PID1: variants seen among roughly 807,000 people sequenced by gnomAD.
The protein encoded by PID1 is PTB-containing, cubilin and LRP1-interacting protein.
Under a neutral mutation model 19.1 loss-of-function variants are expected in PID1, and 10 were observed. That is an observed-to-expected ratio of 0.52 (90% CI 0.32 to 0.89). The LOEUF is 0.89. PID1 is among the 40% of genes least tolerant of loss of function. The pLI is 0.03. For synonymous variants in PID1, 130 were observed against 116.0 expected (o/e 1.12, Z -0.78); for missense variants, 248 against 285.3 (o/e 0.87, Z 0.94).
intron 1 of PID1, among the ~76,000 whole-genome samples, chr2:229,175,866 C>A (rs1028735730): frequency 2.0e-5 from 3 of 152,170 alleles, no homozygotes; most frequent in Admixed American, 1.3e-4. Flanking sequence ...TAAACATAGA[C>A]TACGCAACAC....
At chr2:229,035,227 T>C (rs570659914) in intron 2 of PID1, among the ~76,000 whole-genome samples, 56 of 152,258 alleles carry the variant, frequency 3.7e-4, no homozygotes, top group Middle Eastern at 6.8e-3. Context: ...ATAATGTAGG[T>C]AGGTCTCATC....
chr2:229,024,240 C>G lies in PID1; in HGVS notation c.*1392G>C, dbSNP rs897901888. On this transcript the variant is annotated 3_prime_UTR_variant, in exon 3 of 3. Coordinates refer to ENST00000392055, the MANE Select transcript of PID1 (RefSeq NM_001100818.2). ...CATCGCTCTCTAGATTGGATTAGCT[C>G]TCATTTAAGGCTTCTTAGGTGCCGC... 6.6e-6 allele frequency: 1 copy of G among 152,580 alleles called. No homozygotes were observed. Among genetic ancestry groups the G allele is most frequent in the African/African-American group, 2.4e-5 (1 of 41,426 alleles). 9.5% of individuals were successfully genotyped at this position (152,580 alleles called of 1,614,324 possible). A position where few individuals can be genotyped will look rare whatever the true frequency, so the allele number is the denominator to read the frequency against.
At chr2:229,208,987 G>A (rs1691667076) in intron 1 of PID1, among the ~76,000 whole-genome samples, 2 of 152,172 alleles carry the variant, frequency 1.3e-5, no homozygotes, top group South Asian at 4.1e-4. Context: ...CAGAACTGTG[G>A]CAAACAAAAG....
intron 1 of PID1, among the ~76,000 whole-genome samples, chr2:229,211,636 G>A (rs1160190081): frequency 6.6e-6 from 1 of 152,188 alleles, no homozygotes; most frequent in Non-Finnish European, 1.5e-5. Flanking sequence ...ATGTACATGT[G>A]TGAGCTCTCT....
At chr2:229,194,520 T>C (rs1691330008) in intron 1 of PID1, among the ~76,000 whole-genome samples, 1 of 151,972 alleles carries the variant, frequency 6.6e-6, no homozygotes, top group South Asian at 2.1e-4. Context: ...TTAAGGAGAA[T>C]GTAAATTGAA....
intron 1 of PID1, among the ~76,000 whole-genome samples, chr2:229,216,012 G>C (rs1468585657): frequency 6.6e-6 from 1 of 152,182 alleles, no homozygotes; most frequent in Non-Finnish European, 1.5e-5. Context: ...ACCAGGAGGA[G>C]TTCAGCAAAA....
chr2:229,072,833 G>A (rs1163361167), intron 2 of PID1, among the ~76,000 whole-genome samples: 1 of 152,172 alleles, frequency 6.6e-6, no homozygotes, highest in Admixed American at 6.5e-5. Context: ...TCATAACAGG[G>A]TGCAAAAAGA....
intron 1 of PID1, among the ~76,000 whole-genome samples, chr2:229,226,692 A>T (rs911441193): frequency 6.6e-6 from 1 of 152,230 alleles, no homozygotes; most frequent in Non-Finnish European, 1.5e-5. Flanking sequence ...CGTGATACTG[A>T]AAGTTCCCTG....
chr2:229,233,770 G>C (rs1438972671), intron 1 of PID1, among the ~76,000 whole-genome samples: 1 of 152,320 alleles, frequency 6.6e-6, no homozygotes, highest in Middle Eastern at 3.4e-3. Flanking sequence ...GGGATTACAG[G>C]TGTGAGCCAC....
rs143722261 is a variant in PID1 at position 229,176,690 on chromosome 2, T to A, written c.31-20726A>T. 2.0e-3 allele frequency among the ~76,000 whole-genome samples: 310 copies of A among 152,278 alleles called. 2 individuals carry two copies. Among genetic ancestry groups the A allele is most frequent in the African/African-American group, 7.2e-3 (301 of 41,558 alleles). On this transcript the variant is annotated intron_variant, in intron 1 of 2. Transcript: ENST00000392055. The stretch of plus-strand genomic sequence containing the variant: ...GTATAAGCCCTATGCTCCCAAATAT[T>A]TCATTTGTACGACAGACATCATCAT...
chr2:229,239,950 T>C (rs911140118), intron 1 of PID1, among the ~76,000 whole-genome samples: 5 of 152,130 alleles, frequency 3.3e-5, no homozygotes, highest in African/African-American at 4.8e-5. Flanking sequence ...AAAATATGCA[T>C]TGAAAACTCT....
At chr2:229,159,770 T>G (rs1252624032) in intron 1 of PID1, among the ~76,000 whole-genome samples, 2 of 152,178 alleles carry the variant, frequency 1.3e-5, no homozygotes, top group African/African-American at 4.8e-5. Context: ...AGTGTTTGAC[T>G]TGAATTTAAA....
chr2:229,053,688 C>T (rs1045054932), intron 2 of PID1, among the ~76,000 whole-genome samples: 1 of 152,168 alleles, frequency 6.6e-6, no homozygotes, highest in African/African-American at 2.4e-5. Context: ...ACTGGTCTAT[C>T]GTTTTTGGAC....
intron 1 of PID1, among the ~76,000 whole-genome samples, chr2:229,264,553 C>A (rs7600518): frequency 4.6e-5 from 7 of 152,042 alleles, no homozygotes; most frequent in Non-Finnish European, 1.5e-5. Flanking sequence ...TCTTCACCCC[C>A]AACTGTAAAG....
At chr2:229,041,512 T>C in intron 2 of PID1, among the ~76,000 whole-genome samples, 1 of 152,178 alleles carries the variant, frequency 6.6e-6, no homozygotes, top group Non-Finnish European at 1.5e-5. Flanking sequence ...GCGATGAGAC[T>C]AGAAAATCAC....
chr2:229,204,783 TGGGTGGTAC>T (rs1394010709), intron 1 of PID1, among the ~76,000 whole-genome samples: 2 of 152,104 alleles, frequency 1.3e-5, no homozygotes, highest in East Asian at 3.9e-4. Context: ...TGAATCATTA[TGGGTGGTAC>T]GGGTGGTCTT....
intron 2 of PID1, among the ~76,000 whole-genome samples, chr2:229,054,721 G>GC (rs1266888214): frequency 1.0e-4 from 3 of 29,148 alleles, no homozygotes; most frequent in African/African-American, 2.9e-4. Context: ...TGTGTGTGTG[G>GC]GGGGGGGGGG....
chr2:229,261,482 C>T (rs765367144), intron 1 of PID1, among the ~76,000 whole-genome samples: 1 of 152,184 alleles, frequency 6.6e-6, no homozygotes, highest in Non-Finnish European at 1.5e-5. Context: ...TCCGCTCTCA[C>T]CTGAGGAAAA....
intron 2 of PID1, among the ~76,000 whole-genome samples, chr2:229,153,089 A>C (rs1262494573): frequency 6.6e-6 from 1 of 152,202 alleles, no homozygotes; most frequent in East Asian, 1.9e-4. Flanking sequence ...TTTGTTCTTG[A>C]AGATGATCAG....
Sources: allele counts gnomAD v4.1 joint callset (sites outside exome capture counted in the v4.1 genomes callset), GRCh38; gene constraint gnomAD v4.1.1; transcripts MANE v1.5; gene names NCBI Gene and HGNC (gene_info 2026-07-23, HGNC 2026-07-21).